CALD1: variants seen among roughly 807,000 people sequenced by gnomAD.
The protein encoded by CALD1 is caldesmon.
CALD1 carries 33 observed loss-of-function variants against 99.9 expected under a neutral mutation model. That is an observed-to-expected ratio of 0.33 (90% CI 0.25 to 0.44). CALD1 has a LOEUF of 0.44. Ranked by LOEUF, CALD1 falls within the 20% of genes least tolerant of loss-of-function variation. The probability of loss-of-function intolerance (pLI) is 1.00; values close to 1 mark genes in which losing one functional copy is unlikely to be tolerated. For missense variants in CALD1, 861 were observed against 962.1 expected, an observed-to-expected ratio of 0.89 and a Z score of 1.39; for synonymous variants, 310 against 325.0, an observed-to-expected ratio of 0.95 and a Z score of 0.50.
intron 1 of CALD1, among the ~76,000 whole-genome samples, chr7:134,788,776 T>C (rs1167417063): frequency 6.6e-6 from 1 of 151,990 alleles, no homozygotes; most frequent in Non-Finnish European, 1.5e-5. Context: ...GCACTTTGGG[T>C]GGCCAAGGCA....
intron 1 of CALD1, among the ~76,000 whole-genome samples, chr7:134,825,947 A>G (rs1798973003): frequency 6.6e-6 from 1 of 152,042 alleles, no homozygotes; most frequent in African/African-American, 2.4e-5. Flanking sequence ...ATCTTAATTC[A>G]GGTTTCAAGA....
chr7:134,806,349 G>A (rs1798137166), intron 1 of CALD1, among the ~76,000 whole-genome samples: 1 of 152,136 alleles, frequency 6.6e-6, no homozygotes, highest in Non-Finnish European at 1.5e-5. Context: ...GGCTGTCATG[G>A]GTAGAGGGTT....
At chr7:134,940,982 T>G in intron 6 of CALD1, 110 bp from the exon 7 acceptor site, 1 of 799,080 alleles carries the variant, frequency 1.3e-6, no homozygotes, top group Non-Finnish European at 1.9e-6. Flanking sequence ...AGTGGTTTCT[T>G]TCTGAGTTTT....
chr7:134,730,744 A>T, the CALD1 span, among the ~76,000 whole-genome samples: 1 of 152,212 alleles, frequency 6.6e-6, no homozygotes, highest in East Asian at 1.9e-4. Flanking sequence ...AGCAATGGAG[A>T]TGGTAACTTT....
At chr7:134,742,882 G>A (rs1332014341), upstream of CALD1, among the ~76,000 whole-genome samples, 1 of 152,172 alleles carries the variant, frequency 6.6e-6, no homozygotes, top group Non-Finnish European at 1.5e-5. Flanking sequence ...GATTGTGGGA[G>A]GTGGCAGGGA....
chr7:134,899,788 T>A (rs1802854609), intron 3 of CALD1: 1 of 152,366 alleles, frequency 6.6e-6, no homozygotes, highest in Admixed American at 6.5e-5. Context: ...GGACTACAGA[T>A]GCTTGCCACC....
chr7:134,808,140 G>A lies in CALD1; in HGVS notation c.-130+28391G>A, dbSNP rs547062248. 2.2e-4 allele frequency among the ~76,000 whole-genome samples: 32 copies of A among 147,190 alleles called. No homozygotes were observed. The South Asian group carries it at 5.1e-3, about 24-fold the overall frequency. On this transcript the variant is annotated intron_variant, in intron 1 of 14. Coordinates refer to ENST00000361675, the MANE Select transcript of CALD1 (RefSeq NM_033138.4). ...TTTTGAGACAGGGTCTTACTTTGTC[G>A]CCCAGGCTTGAGTACAGTGGTGCAA...
intron 1 of CALD1, among the ~76,000 whole-genome samples, chr7:134,810,059 T>C (rs1420693871): frequency 6.6e-6 from 1 of 152,188 alleles, no homozygotes; most frequent in Admixed American, 6.5e-5. Flanking sequence ...TTTGTAGATA[T>C]TGAATTTTTA....
intron 7 of CALD1, among the ~76,000 whole-genome samples, chr7:134,944,736 TA>T: frequency 6.6e-6 from 1 of 152,252 alleles, no homozygotes; most frequent in Non-Finnish European, 1.5e-5. Context: ...AGAATGACCT[TA>T]CTACTTGCTA....
At chr7:134,731,625 T>C in the CALD1 span, among the ~76,000 whole-genome samples, 1 of 151,196 alleles carries the variant, frequency 6.6e-6, no homozygotes, top group African/African-American at 2.4e-5. Context: ...ACTATTTTTA[T>C]TCCCCTTTCA....
At chr7:134,773,776 T>G (rs1796895329) in intron 1 of CALD1, among the ~76,000 whole-genome samples, 1 of 144,534 alleles carries the variant, frequency 6.9e-6, no homozygotes, top group African/African-American at 2.7e-5. Context: ...CTACCCAACC[T>G]CTCTTCTGTG....
chr7:134,885,807 G>C (rs1032960725), intron 3 of CALD1, among the ~76,000 whole-genome samples: 3 of 151,976 alleles, frequency 2.0e-5, no homozygotes, highest in Non-Finnish European at 4.4e-5. Flanking sequence ...CATTCTTCAT[G>C]TACACACTTC....
At chr7:134,913,658 T>A (rs1803987233) in intron 3 of CALD1, among the ~76,000 whole-genome samples, 1 of 149,064 alleles carries the variant, frequency 6.7e-6, no homozygotes, top group African/African-American at 2.4e-5. Context: ...TTAGAAACCA[T>A]TGGCTTAGAT....
intron 1 of CALD1, among the ~76,000 whole-genome samples, chr7:134,832,222 C>T (rs1228333296): frequency 6.6e-6 from 1 of 152,240 alleles, no homozygotes; most frequent in Non-Finnish European, 1.5e-5. Flanking sequence ...AGCTGTTTCT[C>T]TCTGGGGTCT....
At chr7:134,884,328 C>T (rs1273726677) in intron 3 of CALD1, among the ~76,000 whole-genome samples, 1 of 152,066 alleles carries the variant, frequency 6.6e-6, no homozygotes, top group Non-Finnish European at 1.5e-5. Context: ...CCTCATGTCT[C>T]CCACTGGCTT....
At chr7:134,860,397 G>A (rs1441915515) in intron 2 of CALD1, among the ~76,000 whole-genome samples, 2 of 152,190 alleles carry the variant, frequency 1.3e-5, no homozygotes, top group Non-Finnish European at 2.9e-5. Flanking sequence ...CAGATTTACT[G>A]TGTAACTACT....
chr7:134,803,379 T>G (rs895684821), intron 1 of CALD1, among the ~76,000 whole-genome samples: 5 of 152,158 alleles, frequency 3.3e-5, no homozygotes, highest in African/African-American at 1.2e-4. Context: ...GTTTTATATT[T>G]TAATGAAATC....
intron 2 of CALD1, among the ~76,000 whole-genome samples, chr7:134,865,560 G>A (rs1033214634): frequency 1.7e-4 from 26 of 152,220 alleles, no homozygotes; most frequent in African/African-American, 6.0e-4. Context: ...CTATGGCTGG[G>A]AAAGAAAAAG....
chr7:134,836,216 C>T (rs1799434487), intron 1 of CALD1, among the ~76,000 whole-genome samples: 1 of 149,152 alleles, frequency 6.7e-6, no homozygotes, highest in Admixed American at 6.7e-5. Flanking sequence ...CCTGTTTCCT[C>T]AGCTTTGCCT....
Sources: allele counts gnomAD v4.1 joint callset (sites outside exome capture counted in the v4.1 genomes callset), GRCh38; gene constraint gnomAD v4.1.1; transcripts MANE v1.5; gene names NCBI Gene and HGNC (gene_info 2026-07-23, HGNC 2026-07-21).